RAD51B: variants seen among roughly 807,000 people sequenced by gnomAD.
RAD51B encodes RAD51 paralog B, also known as DNA repair protein RAD51 homolog 2.
In RAD51B, 38 loss-of-function variants were observed where a neutral mutation model predicts 42.2. The ratio of observed to expected loss-of-function variants is 0.90; its 90% CI spans 0.70 to 1.18. RAD51B has a LOEUF of 1.18. RAD51B is among the 50% of genes most tolerant of loss of function. The probability of loss-of-function intolerance (pLI) is 0.00; values close to 1 mark genes in which losing one functional copy is unlikely to be tolerated. For synonymous variants in RAD51B, 154 were observed against 145.2 expected (o/e 1.06, Z -0.43); for missense variants, 373 against 400.7 (o/e 0.93, Z 0.59).
At chr14:68,494,404 C>T (rs527402037) in intron 10 of RAD51B, among the ~76,000 whole-genome samples, 8 of 152,250 alleles carry the variant, frequency 5.3e-5, no homozygotes, top group Non-Finnish European at 1.0e-4. Flanking sequence ...CAGCCTCATC[C>T]AGAAAATGCC....
intron 5 of RAD51B, among the ~76,000 whole-genome samples, chr14:67,874,659 T>G (rs1177381774): frequency 6.6e-6 from 1 of 152,112 alleles, no homozygotes; most frequent in Non-Finnish European, 1.5e-5. Flanking sequence ...GAAGATCTGC[T>G]GTTTTTTTGT....
chr14:68,200,152 G>C (rs2079453128), intron 7 of RAD51B, among the ~76,000 whole-genome samples: 1 of 152,084 alleles, frequency 6.6e-6, no homozygotes, highest in Non-Finnish European at 1.5e-5. Flanking sequence ...AGGCTCTCAG[G>C]CAGAAGACAC....
At chr14:68,202,322 T>A (rs1344874244) in intron 7 of RAD51B, among the ~76,000 whole-genome samples, 1 of 152,212 alleles carries the variant, frequency 6.6e-6, no homozygotes, top group East Asian at 1.9e-4. Context: ...TGAAGTTTAC[T>A]GCATTAATAG....
At chr14:68,490,098 C>T (rs536487081) in intron 10 of RAD51B, among the ~76,000 whole-genome samples, 24 of 152,212 alleles carry the variant, frequency 1.6e-4, no homozygotes, top group African/African-American at 5.3e-4. Context: ...GGATGGTTGC[C>T]TTTTGGATAG....
chr14:67,842,905 T>C (rs1390706874), intron 4 of RAD51B, among the ~76,000 whole-genome samples: 1 of 152,186 alleles, frequency 6.6e-6, no homozygotes, highest in Non-Finnish European at 1.5e-5. Context: ...TGTTGACAGC[T>C]TTTTCTGTGT....
chr14:68,144,172 T>C (rs185337199), intron 7 of RAD51B, among the ~76,000 whole-genome samples: 32 of 152,320 alleles, frequency 2.1e-4, no homozygotes, highest in African/African-American at 3.1e-4. Flanking sequence ...TCCCAAACCA[T>C]TGGCCTCCTA....
chr14:68,594,379 C>A, intron 10 of RAD51B: 1 of 1,098,314 alleles, frequency 9.1e-7, no homozygotes, highest in Non-Finnish European at 1.2e-6. Context: ...ACCCCTTGAA[C>A]TCTCCATCAG....
At chr14:68,541,767 A>G in intron 10 of RAD51B, 6 of 985,422 alleles carry the variant, frequency 6.1e-6, no homozygotes, top group Non-Finnish European at 7.2e-6. Flanking sequence ...TTTTGTTTCA[A>G]GATCTTCAGG....
At chr14:68,365,433 A>T (rs1594733880) in intron 8 of RAD51B, among the ~76,000 whole-genome samples, 2 of 152,382 alleles carry the variant, frequency 1.3e-5, no homozygotes, top group Admixed American at 1.3e-4. Flanking sequence ...ATGCGTAAAC[A>T]TTATTATCTG....
At chr14:67,829,260 T>G (rs571529724) in intron 3 of RAD51B, among the ~76,000 whole-genome samples, 1 of 151,840 alleles carries the variant, frequency 6.6e-6, no homozygotes, top group Non-Finnish European at 1.5e-5. Context: ...TTTTTTTTTT[T>G]GAGACAGAGT....
chr14:68,439,489 T>C (rs897864014), intron 9 of RAD51B, among the ~76,000 whole-genome samples: 2 of 73,358 alleles, frequency 2.7e-5, no homozygotes, highest in African/African-American at 1.3e-4. Context: ...CCCATTTTAC[T>C]GATGGACCTT....
At chr14:68,496,539 CTCTG>C (rs2140291339) in intron 10 of RAD51B, among the ~76,000 whole-genome samples, 1 of 152,350 alleles carries the variant, frequency 6.6e-6, no homozygotes, top group Non-Finnish European at 1.5e-5. Flanking sequence ...GGCCTGATAC[CTCTG>C]TCTGAGCACT....
chr14:67,888,802 A>T (rs1686448579), intron 7 of RAD51B, among the ~76,000 whole-genome samples: 1 of 152,136 alleles, frequency 6.6e-6, no homozygotes, highest in African/African-American at 2.4e-5. Flanking sequence ...GCACCATTTT[A>T]TATGAGGGAC....
chr14:67,961,672 C>T (rs1023225360), intron 7 of RAD51B, among the ~76,000 whole-genome samples: 2 of 152,140 alleles, frequency 1.3e-5, no homozygotes, highest in African/African-American at 4.8e-5. Context: ...GGAAACGGTC[C>T]TACCGTTTCC....
intron 4 of RAD51B, among the ~76,000 whole-genome samples, chr14:67,847,234 C>G (rs2041646206): frequency 6.6e-6 from 1 of 152,048 alleles, no homozygotes. Flanking sequence ...ATGTGTTCCT[C>G]CTGGCTGCGT....
intron 5 of RAD51B, among the ~76,000 whole-genome samples, chr14:67,865,672 G>A (rs2042317149): frequency 6.6e-6 from 1 of 151,224 alleles, no homozygotes; most frequent in Non-Finnish European, 1.5e-5. Flanking sequence ...CTGAGTAGCT[G>A]GGATTACAGG....
intron 10 of RAD51B, among the ~76,000 whole-genome samples, chr14:68,648,674 AACACACACACACACACACACACACACAC>A (rs35200852): frequency 7.0e-6 from 1 of 143,614 alleles, no homozygotes; most frequent in Non-Finnish European, 1.5e-5. Flanking sequence ...AAAGCACACA[AACACACACACACACACACACACACACAC>A]ACACACACAC....
rs141672310 is a variant in RAD51B, at chr14:68,103,680, G to A, written c.757-188204G>A. Among the ~76,000 whole-genome samples, 5 of 152,280 alleles carry A rather than the reference G, an allele frequency of 3.3e-5. No homozygotes were observed. The East Asian group carries it at 9.7e-4, about 29-fold the overall frequency. Reference sequence around the variant, plus strand: ...AGGGAAGTCTCTCCAGATTTCATTAGAGGATAGACTGAATAAGAACATGTC... The same window carrying A: ...AGGGAAGTCTCTCCAGATTTCATTAAAGGATAGACTGAATAAGAACATGTC... On this transcript the variant is annotated intron_variant, in intron 7 of 10. Coordinates refer to ENST00000471583, the MANE Select transcript of RAD51B (RefSeq NM_133510.4).
chr14:68,135,486 G>A (rs1050712685), intron 7 of RAD51B, among the ~76,000 whole-genome samples: 3 of 152,138 alleles, frequency 2.0e-5, no homozygotes, highest in African/African-American at 7.2e-5. Context: ...ATTGTGCTGG[G>A]TTCAGGGTTA....
Sources: gnomAD v4.1 joint callset for allele counts (sites outside exome capture counted in the v4.1 genomes callset) on GRCh38, gnomAD v4.1.1 for gene constraint, MANE v1.5 for transcripts, NCBI Gene and HGNC (gene_info 2026-07-23, HGNC 2026-07-21) for gene names.